Variants in ZNF652 observed in about 807,000 individuals in gnomAD.
ZNF652 encodes the protein zinc finger protein 652.
In ZNF652, 16 loss-of-function variants were observed where a neutral mutation model predicts 45.2. That is an observed-to-expected ratio of 0.35 (90% confidence interval 0.24 to 0.54). The LOEUF (loss-of-function observed/expected upper bound fraction) is 0.54. ZNF652 is among the 20% of genes least tolerant of loss of function. The probability of loss-of-function intolerance (pLI) is 0.91; values close to 1 mark genes in which losing one functional copy is unlikely to be tolerated. For missense variants in ZNF652, 614 were observed against 765.6 expected, an observed-to-expected ratio of 0.80 and a Z score of 2.34; for synonymous variants, 250 against 260.6, an observed-to-expected ratio of 0.96 and a Z score of 0.39.
chr17:49,327,735 ATATATAT>A (rs2069971923), intron 1 of ZNF652, among the ~76,000 whole-genome samples: 60 of 4,922 alleles, frequency 0.012, no homozygotes, highest in East Asian at 0.053. Flanking sequence ...AAATAAATAT[ATATATAT>A]ATATATATAT....
At chr17:49,360,459 A>G (rs1481728863) in intron 1 of ZNF652, among the ~76,000 whole-genome samples, 3 of 152,236 alleles carry the variant, frequency 2.0e-5, no homozygotes, top group African/African-American at 4.8e-5. Context: ...AGTCAGTTCC[A>G]GGATCACTAA....
At chr17:49,336,149 T>A (rs1002309885) in intron 1 of ZNF652, among the ~76,000 whole-genome samples, 2 of 150,498 alleles carry the variant, frequency 1.3e-5, no homozygotes, top group African/African-American at 4.9e-5. Context: ...CTCAGCCTCC[T>A]GAGTAGCTGG....
At chr17:49,321,421 GCTTTTT>G (rs1180168169) in intron 1 of ZNF652, among the ~76,000 whole-genome samples, 1 of 107,218 alleles carries the variant, frequency 9.3e-6, no homozygotes, top group African/African-American at 3.7e-5. Context: ...CCACCACCAC[GCTTTTT>G]TTTTTTTTTT....
chr17:49,329,349 G>T (rs900852212), intron 1 of ZNF652, among the ~76,000 whole-genome samples: 5 of 152,168 alleles, frequency 3.3e-5, no homozygotes, highest in Admixed American at 3.3e-4. Context: ...ATTGAAAAGG[G>T]TTTTGTTATT....
intron 5 of ZNF652, among the ~76,000 whole-genome samples, chr17:49,301,646 C>T (rs970368238): frequency 1.3e-5 from 2 of 152,146 alleles, no homozygotes; most frequent in Non-Finnish European, 2.9e-5. Flanking sequence ...AGGCTCCTTA[C>T]TGTGACTCAT....
At chr17:49,304,420 C>T (rs963411840) in intron 5 of ZNF652, among the ~76,000 whole-genome samples, 5 of 152,032 alleles carry the variant, frequency 3.3e-5, no homozygotes, top group African/African-American at 7.2e-5. Context: ...TTCATTAGGC[C>T]GCATCTCCTA....
Position 49,317,223 on chromosome 17 carries a change from T to A in ZNF652, c.503A>T (p.Asp168Val), listed in dbSNP as rs2069820163. The A allele has an allele frequency of 6.2e-7, 1 of 1,613,346 alleles. No homozygotes were observed. The highest frequency in any genetic ancestry group is 8.5e-7 in the Non-Finnish European group (1 of 1,180,040). ...SEEEATDDSN[D>V]YGENEKQKKK... ...CTTCTGCTTTTCATTCTCTCCATAG[T>A]CATTGCTGTCATCTGTGGCCTCTTC... Residue 168 changes from aspartate to valine, a missense_variant, in exon 2 of 6, where the codon GAC (aspartate) becomes GTC (valine). Asp to Val is a radical substitution (Grantham distance 152). Around this residue, in one of 5 missense-constraint regions of ZNF652, gnomAD observed 262 missense variants for 306.3 expected, o/e 0.86. Transcript: ENST00000430262.
intron 1 of ZNF652, among the ~76,000 whole-genome samples, chr17:49,323,836 C>T (rs1165585410): frequency 2.0e-5 from 3 of 152,140 alleles, no homozygotes; most frequent in Non-Finnish European, 2.9e-5. Flanking sequence ...ATTCAGTAAA[C>T]CACGCTATAA....
At chr17:49,358,692 A>G (rs1009313385) in intron 1 of ZNF652, among the ~76,000 whole-genome samples, 2 of 152,122 alleles carry the variant, frequency 1.3e-5, no homozygotes, top group Non-Finnish European at 2.9e-5. Context: ...CAGACTTGAA[A>G]AGTATTTTCT....
chr17:49,331,069 C>CA lies in ZNF652; in HGVS notation c.-258-13087dup, dbSNP rs1235620186. 5.8e-3 allele frequency among the ~76,000 whole-genome samples: 391 copies of CA among 67,214 alleles called. 6 individuals carry two copies. The East Asian group carries it at 0.076, about 13-fold the overall frequency. The allele number at this position is 67,214 out of a possible 152,430, so 44.1% of individuals were successfully genotyped here. A position where few individuals can be genotyped will look rare whatever the true frequency, so the allele number is the denominator to read the frequency against. On this transcript the variant is annotated intron_variant, in intron 1 of 5. Coordinates refer to ENST00000430262, the MANE Select transcript of ZNF652 (RefSeq NM_001145365.3). ...GGGCAGTAAGAGCAAAACTCCATCT[C>CA]AAAAAAAAAAAAGAAAAAAGAGAAA... is the stretch of plus-strand genomic sequence containing the variant.
chr17:49,348,227 G>A (rs531338038), intron 1 of ZNF652, among the ~76,000 whole-genome samples: 6 of 151,958 alleles, frequency 3.9e-5, no homozygotes, highest in Admixed American at 3.3e-4. Flanking sequence ...GCATGGTGGC[G>A]TATGTCTAAC....
intron 1 of ZNF652, among the ~76,000 whole-genome samples, chr17:49,322,139 T>C (rs906501193): frequency 6.6e-6 from 1 of 152,210 alleles, no homozygotes; most frequent in African/African-American, 2.4e-5. Context: ...AAAATAGCTT[T>C]TCTAAAGAGA....
chr17:49,322,437 T>G (rs1043634610), intron 1 of ZNF652: 18 of 152,184 alleles, frequency 1.2e-4, no homozygotes, highest in Non-Finnish European at 2.4e-4. Context: ...ACAAAACTCT[T>G]TCCACTTTAT....
chr17:49,329,353 T>C (rs2069998963), intron 1 of ZNF652, among the ~76,000 whole-genome samples: 1 of 152,240 alleles, frequency 6.6e-6, no homozygotes, highest in Non-Finnish European at 1.5e-5. Context: ...AAAAGGGTTT[T>C]GTTATTACAG....
chr17:49,304,054 A>T (rs2069591972), intron 5 of ZNF652, among the ~76,000 whole-genome samples: 1 of 38,566 alleles, frequency 2.6e-5, no homozygotes, highest in Non-Finnish European at 5.0e-5. Flanking sequence ...ATGCCTGGCT[A>T]ATTTTTTTTT....
At chr17:49,348,494 G>C (rs1598315101) in intron 1 of ZNF652, among the ~76,000 whole-genome samples, 1 of 105,094 alleles carries the variant, frequency 9.5e-6, no homozygotes, top group South Asian at 3.1e-4. Flanking sequence ...GAAAAGAAAA[G>C]AAAAGAAAAG....
At chr17:49,329,500 G>A (rs747169687) in intron 1 of ZNF652, among the ~76,000 whole-genome samples, 6 of 152,086 alleles carry the variant, frequency 3.9e-5, no homozygotes, top group Non-Finnish European at 8.8e-5. Context: ...ATATATCACT[G>A]GGCCTTATTT....
In ZNF652 at chr17:49,333,048, TAATAA is replaced by T. The variant is rs571050383; in HGVS notation, c.-258-15070_-258-15066del. On this transcript the variant is annotated intron_variant, in intron 1 of 5. Coordinates refer to ENST00000430262, the MANE Select transcript of ZNF652 (RefSeq NM_001145365.3). ...GCAAGAAGACCCTGTCTGAAAAAAA[TAATAA>T]AATAAAATAATTTTTTTTTTTTGAG... is the stretch of plus-strand genomic sequence containing the variant. Among the ~76,000 whole-genome samples the T allele has an allele frequency of 1.6e-4, 24 of 151,656 alleles. No individual in the cohort carries two copies. In the South Asian group the frequency reaches 2.9e-3, roughly 18 times the overall value.
chr17:49,352,868 AAG>A (rs2070296874), intron 1 of ZNF652, among the ~76,000 whole-genome samples: 3 of 152,216 alleles, frequency 2.0e-5, no homozygotes, highest in African/African-American at 7.2e-5. Context: ...TGACTAAAAG[AAG>A]CCAGTCTCTA....
Sources: gnomAD v4.1 joint callset for allele counts (sites outside exome capture counted in the v4.1 genomes callset) on GRCh38, gnomAD v4.1.1 for gene constraint, gnomAD v4.1.1 regional missense constraint, MANE v1.5 for transcripts, NCBI Gene and HGNC (gene_info 2026-07-23, HGNC 2026-07-21) for gene names.